FLI1: variants seen among roughly 807,000 people sequenced by gnomAD.
FLI1 encodes the protein Friend leukemia integration 1 transcription factor.
FLI1 carries 13 observed loss-of-function variants against 53.1 expected under a neutral mutation model. The ratio of observed to expected loss-of-function variants is 0.24; its 90% confidence interval spans 0.16 to 0.39. The LOEUF (loss-of-function observed/expected upper bound fraction) is 0.39, where lower values mean the gene tolerates loss of function less well. FLI1 is among the 10% of genes least tolerant of loss of function. The pLI is 1.00. For missense variants in FLI1, 424 were observed against 600.5 expected (o/e 0.71, Z 3.07); for synonymous variants, 244 against 236.7 (o/e 1.03, Z -0.28).
chr11:128,770,128 C>G (rs922360763), intron 3 of FLI1, among the ~76,000 whole-genome samples: 1 of 152,200 alleles, frequency 6.6e-6, no homozygotes, highest in African/African-American at 2.4e-5. Flanking sequence ...CAGAAGTGGC[C>G]AGACTGCTAT....
intron 1 of FLI1, among the ~76,000 whole-genome samples, chr11:128,750,354 T>C (rs1400238013): frequency 1.3e-5 from 2 of 152,204 alleles, no homozygotes; most frequent in African/African-American, 4.8e-5. Context: ...CATTGGTGCT[T>C]CTCAGGCCCC....
intron 5 of FLI1, among the ~76,000 whole-genome samples, chr11:128,803,300 T>C (rs1047044932): frequency 6.6e-6 from 1 of 152,148 alleles, no homozygotes; most frequent in Admixed American, 6.5e-5. Flanking sequence ...AAACCTCCCT[T>C]AGTTCCCACC....
At chr11:128,772,148 C>T (rs1941589427) in intron 3 of FLI1, among the ~76,000 whole-genome samples, 1 of 152,024 alleles carries the variant, frequency 6.6e-6, no homozygotes, top group Non-Finnish European at 1.5e-5. Flanking sequence ...GTTACCTTAC[C>T]TGTGTTCACT....
chr11:128,754,235 A>ATGTGTGTGTGTG (rs57171401), intron 1 of FLI1, among the ~76,000 whole-genome samples: 55 of 145,784 alleles, frequency 3.8e-4, no homozygotes, highest in African/African-American at 1.3e-3. Flanking sequence ...TAGAAGGGGG[A>ATGTGTGTGTGTG]TGTGTGTGTG....
At chr11:128,749,563 G>A (rs1170507616) in intron 1 of FLI1, among the ~76,000 whole-genome samples, 3 of 152,206 alleles carry the variant, frequency 2.0e-5, no homozygotes, top group African/African-American at 7.2e-5. Context: ...CGGAAGTCAC[G>A]CAAGGCCATT....
At chr11:128,744,912 G>C (rs1452976576) in intron 1 of FLI1, among the ~76,000 whole-genome samples, 2 of 152,218 alleles carry the variant, frequency 1.3e-5, no homozygotes, top group African/African-American at 4.8e-5. Context: ...GTGCCAAATT[G>C]GTGCCAACAG....
Position 128,809,323 on chromosome 11 carries a change from C to T in FLI1, c.829+119C>T, listed in dbSNP as rs1591392479. The stretch of plus-strand genomic sequence containing the variant: ...GTGGGGAGTAACATGCACGTCTTTC[C>T]TTGAAATGTTCAATGTCTGTTTCTG... On this transcript the variant is annotated intron_variant, in intron 8 of 8. Transcript: ENST00000527786. The T allele has an allele frequency of 4.9e-6, 4 of 822,014 alleles. No homozygotes were observed. In the East Asian group the frequency reaches 1.0e-4, roughly 21 times the overall value. The allele number at this position is 822,014 out of a possible 1,614,324, so 50.9% of individuals were successfully genotyped here.
intron 1 of FLI1, among the ~76,000 whole-genome samples, chr11:128,724,755 G>T (rs940130769): frequency 1.3e-5 from 2 of 152,264 alleles, no homozygotes; most frequent in South Asian, 2.1e-4. Context: ...AGGCACAAGG[G>T]TTTATGGAGG....
At chr11:128,720,748 C>T (rs192490629) in intron 1 of FLI1, among the ~76,000 whole-genome samples, 1 of 152,194 alleles carries the variant, frequency 6.6e-6, no homozygotes, top group African/African-American at 2.4e-5. Flanking sequence ...TGTCAGACTC[C>T]GCGGGCCCTG....
chr11:128,772,057 CACACACACACACACACACACAT>C (rs1565492366), intron 3 of FLI1, among the ~76,000 whole-genome samples: 1 of 149,140 alleles, frequency 6.7e-6, no homozygotes, highest in East Asian at 1.9e-4. Flanking sequence ...CACACACACA[CACACACACACACACACACACAT>C]ACACACACTG....
intron 1 of FLI1, among the ~76,000 whole-genome samples, chr11:128,698,260 C>T (rs1310941617): frequency 3.3e-5 from 5 of 152,310 alleles, no homozygotes; most frequent in Admixed American, 2.6e-4. Flanking sequence ...CTCCCTCTAC[C>T]ACACACACCT....
chr11:128,754,807 C>T (rs896816104), intron 1 of FLI1, among the ~76,000 whole-genome samples: 3 of 152,318 alleles, frequency 2.0e-5, no homozygotes, highest in Admixed American at 6.5e-5. Flanking sequence ...GAGAGAAATG[C>T]CCAGACTGGA....
rs138640323 is a variant in FLI1 at position 128,751,101 on chromosome 11, C to T, written c.19-7014C>T. ...ACTGAGCCTGCAATGGAATGACACC[C>T]ATGGTTTTAAAGGAAGAGTGGACAC... On this transcript the variant is annotated intron_variant, in intron 1 of 8. Coordinates refer to ENST00000527786, the MANE Select transcript of FLI1 (RefSeq NM_002017.5). Among the ~76,000 whole-genome samples, 744 of 152,300 alleles carry T rather than the reference C, an allele frequency of 4.9e-3. 6 individuals carry two copies. Among genetic ancestry groups the T allele is most frequent in the Non-Finnish European group, 7.1e-3 (485 of 68,030 alleles).
chr11:128,747,104 G>C (rs1940428435), intron 1 of FLI1, among the ~76,000 whole-genome samples: 1 of 152,180 alleles, frequency 6.6e-6, no homozygotes, highest in Non-Finnish European at 1.5e-5. Flanking sequence ...CATTCCCCAG[G>C]TCAGGGACAA....
At chr11:128,758,425 G>T (rs1940982099) in intron 2 of FLI1, 99 bp downstream of exon 2, 1 of 946,720 alleles carries the variant, frequency 1.1e-6, no homozygotes, top group Non-Finnish European at 1.6e-6. Flanking sequence ...AGCAGATGGG[G>T]CTCTAGAGCT....
intron 1 of FLI1, among the ~76,000 whole-genome samples, chr11:128,709,840 C>T (rs1232858542): frequency 6.6e-6 from 1 of 152,148 alleles, no homozygotes; most frequent in Non-Finnish European, 1.5e-5. Context: ...CAGAACCAGG[C>T]TAGAAGTAGG....
rs115462732 is a variant in FLI1 at position 128,734,561 on chromosome 11, G to A, written c.19-23554G>A. Among the ~76,000 whole-genome samples the A allele has an allele frequency of 2.8e-3, 431 of 152,250 alleles. 3 individuals are homozygous for A. The highest frequency in any genetic ancestry group is 9.9e-3 in the African/African-American group (412 of 41,556). ...TCGAATGCCTTCATCCTTGTGACCCGCGCTGCCTGCACTGTGGTGTGTTTT... is the reference window on the plus strand; with the variant it reads ...TCGAATGCCTTCATCCTTGTGACCCACGCTGCCTGCACTGTGGTGTGTTTT... On this transcript the variant is annotated intron_variant, in intron 1 of 8. Coordinates refer to ENST00000527786, the MANE Select transcript of FLI1 (RefSeq NM_002017.5).
rs1468835199 is a variant in FLI1 at position 128,811,958 on chromosome 11, TA to T, written c.*971del. The T allele has an allele frequency of 5.5e-5, 11 of 201,782 alleles. No individual in the cohort carries two copies. The highest frequency in any genetic ancestry group is 1.9e-4 in the South Asian group (1 of 5,244). 12.5% of individuals were successfully genotyped at this position (201,782 alleles called of 1,614,324 possible). ...GTTTTACTATCGAATCAATCGCTGT[TA>T]TTTTTTTTAATGTAATTTGTACATC... On this transcript the variant is annotated 3_prime_UTR_variant, in exon 9 of 9. Transcript: ENST00000527786.
intron 1 of FLI1, among the ~76,000 whole-genome samples, chr11:128,733,795 C>T (rs898171884): frequency 3.3e-5 from 5 of 152,222 alleles, no homozygotes; most frequent in African/African-American, 9.6e-5. Context: ...GGCTGCCTCC[C>T]TTCCTTTCAC....
Sources: allele counts gnomAD v4.1 joint callset (sites outside exome capture counted in the v4.1 genomes callset), GRCh38; gene constraint gnomAD v4.1.1; transcripts MANE v1.5; gene names NCBI Gene and HGNC (gene_info 2026-07-23, HGNC 2026-07-21).